Variants in SIPA1L1 observed in about 807,000 individuals in gnomAD.
SIPA1L1 encodes the protein signal induced proliferation associated 1 like 1, also known as signal-induced proliferation-associated 1-like protein 1.
A neutral mutation model predicts 162.7 loss-of-function variants in SIPA1L1; 26 were observed. The ratio of observed to expected loss-of-function variants is 0.16; its 90% CI spans 0.12 to 0.22. The LOEUF (loss-of-function observed/expected upper bound fraction) is 0.22. Ranked by LOEUF, SIPA1L1 falls within the 10% of genes least tolerant of loss-of-function variation. The pLI, the probability that SIPA1L1 is intolerant of heterozygous loss-of-function variation, is 1.00. For missense variants in SIPA1L1, 1,874 were observed against 2,241.0 expected (o/e 0.84, Z 3.31); for synonymous variants, 829 against 837.4 (o/e 0.99, Z 0.17).
chr14:71,558,052 T>G (rs2056488816), intron 4 of SIPA1L1, among the ~76,000 whole-genome samples: 1 of 152,152 alleles, frequency 6.6e-6, no homozygotes. Context: ...GTGACATAGG[T>G]AAAAAAATAT....
intron 2 of SIPA1L1, among the ~76,000 whole-genome samples, chr14:71,485,730 A>G (rs1342918195): frequency 6.6e-6 from 1 of 152,144 alleles, no homozygotes; most frequent in Non-Finnish European, 1.5e-5. Flanking sequence ...ACCATTCCCT[A>G]CTGCCCCCAG....
intron 2 of SIPA1L1, among the ~76,000 whole-genome samples, chr14:71,339,595 C>T (rs2035443273): frequency 6.6e-6 from 1 of 152,084 alleles, no homozygotes; most frequent in Non-Finnish European, 1.5e-5. Context: ...AACTCCGGAC[C>T]TCAGGTAATC....
At position 71,705,253 on chromosome 14, in the gene SIPA1L1, G is replaced by A; in HGVS notation, c.3678G>A (p.Lys1226=). 6.2e-7 allele frequency: 1 copy of A among 1,614,168 alleles called. No individual in the cohort carries two copies. The highest frequency in any genetic ancestry group is 1.3e-5 in the African/African-American group (1 of 75,064). Residue 1226 remains lysine (K), a synonymous_variant, in exon 16 of 24, where the codon AAG becomes AAA. Coordinates refer to ENST00000381232, the MANE Select transcript of SIPA1L1 (RefSeq NM_001386936.1). ...CATGCCATCTCCCAGCAGTATCAAA[G>A]GTACTGCCAGCTTTCCGAGAGAGCC... ...EPTCHLPAVS[K]VLPAFRESPS... is the part of the protein sequence containing the mutation.
chr14:71,358,672 C>T (rs2037511238), intron 2 of SIPA1L1, among the ~76,000 whole-genome samples: 1 of 152,104 alleles, frequency 6.6e-6, no homozygotes. Flanking sequence ...TAAATAAATA[C>T]CTGAGACTGG....
chr14:71,726,228 C>T (rs190570399), intron 19 of SIPA1L1, among the ~76,000 whole-genome samples: 1 of 152,344 alleles, frequency 6.6e-6, no homozygotes, highest in African/African-American at 2.4e-5. Context: ...TAATTTCCGT[C>T]TCATAAGCCA....
At chr14:71,499,809 G>A (rs1014463672) in intron 2 of SIPA1L1, among the ~76,000 whole-genome samples, 15 of 152,082 alleles carry the variant, frequency 9.9e-5, no homozygotes, top group African/African-American at 3.4e-4. Flanking sequence ...AGCAAAACCT[G>A]TCTTTAAGAG....
At chr14:71,513,342 T>C (rs2051357773) in intron 3 of SIPA1L1, among the ~76,000 whole-genome samples, 1 of 152,134 alleles carries the variant, frequency 6.6e-6, no homozygotes, top group African/African-American at 2.4e-5. Flanking sequence ...AATTTGTTGG[T>C]GTGTGTAGAA....
intron 2 of SIPA1L1, among the ~76,000 whole-genome samples, chr14:71,457,726 C>T (rs1185981595): frequency 6.6e-6 from 1 of 152,068 alleles, no homozygotes; most frequent in Admixed American, 6.6e-5. Flanking sequence ...TCCTAAGTAG[C>T]TGGGATTACA....
At chr14:71,495,705 G>A (rs1480154080) in intron 2 of SIPA1L1, among the ~76,000 whole-genome samples, 1 of 151,380 alleles carries the variant, frequency 6.6e-6, no homozygotes, top group Non-Finnish European at 1.5e-5. Context: ...TTCTTAAAGT[G>A]AAGACGATTG....
rs760265667 is a variant in SIPA1L1, at chr14:71,671,534, G to T, written c.2671G>T (p.Glu891Ter). Residue 891 changes from glutamate to a stop codon, truncating the protein, a stop_gained, in exon 11 of 24, where the codon GAA becomes TAA. Transcript: ENST00000381232. LOFTEE classifies it high-confidence loss of function. ...TGAGTTCATTGTGCTCATTGAACAG[G>T]AAACAAAGAGCGTGGTCTTCAATTG... is the stretch of plus-strand genomic sequence containing the variant. Reference protein sequence around the residue: ...SNEFIVLIEQETKSVVFNCSC... With the variant: ...SNEFIVLIEQ 1 of 1,614,206 alleles carries T rather than the reference G, an allele frequency of 6.2e-7. No individual in the cohort carries two copies. The highest frequency in any genetic ancestry group is 8.5e-7 in the Non-Finnish European group (1 of 1,180,034).
intron 2 of SIPA1L1, among the ~76,000 whole-genome samples, chr14:71,431,925 G>A (rs2044019389): frequency 6.6e-6 from 1 of 152,016 alleles, no homozygotes; most frequent in Non-Finnish European, 1.5e-5. Context: ...CAGGGAAATT[G>A]TCTATTTTTA....
At chr14:71,695,499 AG>A (rs2149725131) in intron 13 of SIPA1L1, among the ~76,000 whole-genome samples, 1 of 152,360 alleles carries the variant, frequency 6.6e-6, no homozygotes, top group South Asian at 2.1e-4. Context: ...TTTGGAGAGC[AG>A]GGTAAGAAAA....
chr14:71,580,536 C>A (rs1396490698), intron 4 of SIPA1L1, among the ~76,000 whole-genome samples: 1 of 152,146 alleles, frequency 6.6e-6, no homozygotes, highest in East Asian at 1.9e-4. Context: ...TGTTAATCAT[C>A]TATGTGAAAT....
At chr14:71,649,301 C>T (rs1284052054) in intron 7 of SIPA1L1, among the ~76,000 whole-genome samples, 2 of 150,982 alleles carry the variant, frequency 1.3e-5, no homozygotes, top group African/African-American at 2.4e-5. Context: ...AAATGATCCT[C>T]GAACCTCAAC....
At chr14:71,469,032 A>C (rs993759389) in intron 2 of SIPA1L1, among the ~76,000 whole-genome samples, 1 of 151,382 alleles carries the variant, frequency 6.6e-6, no homozygotes, top group Non-Finnish European at 1.5e-5. Flanking sequence ...GTCTTTTTCC[A>C]TTTTCAAGCC....
Position 71,587,788 on chromosome 14 carries a change from C to A in SIPA1L1, c.-85C>A. On this transcript the variant is annotated 5_prime_UTR_variant, in exon 5 of 24. Coordinates refer to ENST00000381232, the MANE Select transcript of SIPA1L1 (RefSeq NM_001386936.1). ...ATGCAACTGTTGTATTTTCTGGAAG[C>A]CATTCTCCAAAAGGGAAGTGCACAT... 2 of 1,227,636 alleles carry A rather than the reference C, an allele frequency of 1.6e-6. No individual in the cohort carries two copies. Among genetic ancestry groups the A allele is most frequent in the South Asian group, 1.5e-5 (1 of 64,686 alleles). 76.0% of individuals were successfully genotyped at this position (1,227,636 alleles called of 1,614,324 possible).
At chr14:71,580,729 T>G (rs781402266) in intron 4 of SIPA1L1, among the ~76,000 whole-genome samples, 4 of 152,180 alleles carry the variant, frequency 2.6e-5, no homozygotes, top group Non-Finnish European at 5.9e-5. Context: ...TTTAACAAAG[T>G]ATAGTATCTT....
chr14:71,613,772 G>A (rs553208531), intron 5 of SIPA1L1, among the ~76,000 whole-genome samples: 60 of 152,296 alleles, frequency 3.9e-4, no homozygotes, highest in African/African-American at 1.4e-3. Flanking sequence ...ATCTTCACTA[G>A]CAAACAATGG....
At chr14:71,617,113 C>T (rs1464793871) in intron 5 of SIPA1L1, among the ~76,000 whole-genome samples, 1 of 152,182 alleles carries the variant, frequency 6.6e-6, no homozygotes, top group Non-Finnish European at 1.5e-5. Context: ...CAGTAAATGG[C>T]CCCAGACTGC....
Sources: gnomAD v4.1 joint callset for allele counts (sites outside exome capture counted in the v4.1 genomes callset) on GRCh38, gnomAD v4.1.1 for gene constraint, MANE v1.5 for transcripts, NCBI Gene and HGNC (gene_info 2026-07-23, HGNC 2026-07-21) for gene names.